The following NDST4 variants were observed in gnomAD, a reference collection of about 807,000 sequenced individuals.
NDST4 encodes the protein N-deacetylase and N-sulfotransferase 4, also known as N-heparan sulfate sulfotransferase 4.
NDST4 carries 63 observed loss-of-function variants against 100.8 expected under a neutral mutation model. That is an observed-to-expected ratio of 0.62 (90% CI 0.51 to 0.77). The LOEUF is 0.77. Among genes scored for constraint, NDST4 ranks in the 30% least tolerant of loss-of-function variants. NDST4 has a pLI of 0.00. For synonymous variants in NDST4, 377 were observed against 361.8 expected (o/e 1.04, Z -0.48); for missense variants, 943 against 1,018.4 (o/e 0.93, Z 1.01).
intron 3 of NDST4, among the ~76,000 whole-genome samples, chr4:114,971,406 A>G (rs1166519132): frequency 6.6e-6 from 1 of 152,124 alleles, no homozygotes; most frequent in African/African-American, 2.4e-5. Context: ...AAGAAAAAAA[A>G]AACTTACTTC....
Position 114,864,710 on chromosome 4 carries a change from C to T in NDST4, c.1719+6058G>A, listed in dbSNP as rs547938082. ...GGAAAGTGTTCCTCGTGTGAGTACA[C>T]TGATCCATAATAAATGCACTCACTA... On this transcript the variant is annotated intron_variant, in intron 7 of 13. Transcript: ENST00000264363. Among the ~76,000 whole-genome samples, 33 of 152,284 alleles carry T rather than the reference C, an allele frequency of 2.2e-4. No homozygotes were observed. The South Asian group carries it at 6.2e-3, about 29-fold the overall frequency.
intron 2 of NDST4, among the ~76,000 whole-genome samples, chr4:115,022,436 T>TATATATATATGTTCC (rs748295914): frequency 1.2e-5 from 1 of 86,168 alleles, no homozygotes; most frequent in Non-Finnish European, 2.8e-5. Context: ...ATGTGTTCCA[T>TATATATATATGTTCC]ATATATGTGT....
chr4:114,887,659 G>C (rs1271434221), intron 6 of NDST4, among the ~76,000 whole-genome samples: 1 of 152,102 alleles, frequency 6.6e-6, no homozygotes, highest in African/African-American at 2.4e-5. Context: ...CTAGCTTAAA[G>C]TAATTTGGCA....
intron 6 of NDST4, among the ~76,000 whole-genome samples, chr4:114,898,988 C>T (rs1055015884): frequency 1.3e-5 from 2 of 151,792 alleles, no homozygotes; most frequent in African/African-American, 4.8e-5. Flanking sequence ...TTTTATTTTT[C>T]CTTCCCAATC....
intron 3 of NDST4, among the ~76,000 whole-genome samples, chr4:114,972,716 G>T (rs1369384554): frequency 6.6e-6 from 1 of 151,918 alleles, no homozygotes; most frequent in Non-Finnish European, 1.5e-5. Context: ...ATTGTCTTGT[G>T]TGCTTTGAAT....
intron 6 of NDST4, among the ~76,000 whole-genome samples, chr4:114,880,844 G>A (rs757027096): frequency 6.6e-6 from 1 of 152,128 alleles, no homozygotes; most frequent in Non-Finnish European, 1.5e-5. Flanking sequence ...ACTTGCAGAT[G>A]TCTTCTTGAA....
chr4:114,958,608 C>T (rs1406497136), intron 4 of NDST4, among the ~76,000 whole-genome samples: 1 of 152,186 alleles, frequency 6.6e-6, no homozygotes, highest in Non-Finnish European at 1.5e-5. Context: ...CCCCAGACTG[C>T]ACAAAGCAGC....
chr4:115,067,000 A>G (rs566096), intron 2 of NDST4, among the ~76,000 whole-genome samples: 36,688 of 152,024 alleles, frequency 0.24, 5,916 homozygotes, highest in East Asian at 0.46. Context: ...GATGACTGCT[A>G]CCCATAGAAC....
rs149263268 is a variant in NDST4 at position 115,072,276 on chromosome 4, T to A, written c.978+3783A>T. Among the ~76,000 whole-genome samples the A allele has an allele frequency of 5.0e-3, 762 of 152,136 alleles. 4 individuals are homozygous for A. Among genetic ancestry groups the A allele is most frequent in the African/African-American group, 0.018 (731 of 41,546 alleles). ...TTAATATTGTTGAATGTCTATGATA[T>A]CCAAAATGATCTGCAGATTCAATAC... On this transcript the variant is annotated intron_variant, in intron 2 of 13. Transcript: ENST00000264363.
chr4:114,980,359 T>C (rs1377171606), intron 2 of NDST4, among the ~76,000 whole-genome samples: 1 of 152,148 alleles, frequency 6.6e-6, no homozygotes, highest in Non-Finnish European at 1.5e-5. Flanking sequence ...TAATAAAATG[T>C]GGCTGGGCAT....
In NDST4 at chr4:115,076,685, G is replaced by T; in HGVS notation, c.352C>A (p.Pro118Thr). 1.2e-6 allele frequency: 2 copies of T among 1,613,880 alleles called. No individual in the cohort carries two copies. The highest frequency in any genetic ancestry group is 1.7e-6 in the Non-Finnish European group (2 of 1,179,894). The part of the protein sequence containing the change: ...MVIAPGKGDI[P>T]PLTDNGKGKY... ...CCTTTGCCATTATCTGTAAGAGGAG[G>T]TATATCTCCCTTTCCAGGGGCAATA... The change falls in exon 2 of 14, where the codon CCT becomes ACT. Residue 118 changes from proline (P) to threonine (T), a missense_variant. Pro to Thr is a conservative substitution (Grantham distance 38, BLOSUM62 -1). Transcript: ENST00000264363.
chr4:115,097,672 A>C (rs974365184), intron 1 of NDST4, among the ~76,000 whole-genome samples: 2 of 152,124 alleles, frequency 1.3e-5, no homozygotes, highest in Admixed American at 1.3e-4. Flanking sequence ...CAATACATTG[A>C]CCAGGGTCCT....
chr4:114,929,095 TCC>T (rs1725450536), intron 6 of NDST4, among the ~76,000 whole-genome samples: 3 of 128,562 alleles, frequency 2.3e-5, no homozygotes, highest in Admixed American at 8.1e-5. Flanking sequence ...CATCCATCCA[TCC>T]ATCCATCCAT....
At chr4:114,866,173 C>G (rs2126194869) in intron 7 of NDST4, among the ~76,000 whole-genome samples, 1 of 152,310 alleles carries the variant, frequency 6.6e-6, no homozygotes, top group Middle Eastern at 3.4e-3. Context: ...ACAGATCACT[C>G]TTTCGTTATT....
At chr4:115,099,380 C>T (rs1360606403) in intron 1 of NDST4, among the ~76,000 whole-genome samples, 1 of 151,422 alleles carries the variant, frequency 6.6e-6, no homozygotes, top group African/African-American at 2.4e-5. Flanking sequence ...AGATGACAGG[C>T]TACAAACTGG....
At chr4:115,037,984 A>C (rs996478653) in intron 2 of NDST4, among the ~76,000 whole-genome samples, 5 of 152,224 alleles carry the variant, frequency 3.3e-5, no homozygotes, top group African/African-American at 1.2e-4. Flanking sequence ...CTATAATTGC[A>C]GCTGAAGGAA....
intron 2 of NDST4, among the ~76,000 whole-genome samples, chr4:115,053,627 A>G (rs1424879612): frequency 1.3e-5 from 2 of 152,164 alleles, no homozygotes; most frequent in Non-Finnish European, 2.9e-5. Flanking sequence ...AGATATGACA[A>G]CTTTCCTAGG....
chr4:114,854,555 G>A (rs564802375), intron 7 of NDST4, among the ~76,000 whole-genome samples: 60 of 151,948 alleles, frequency 3.9e-4, no homozygotes, highest in African/African-American at 1.2e-3. Flanking sequence ...CGCAACCTTC[G>A]CCTCCCAAAT....
At chr4:115,098,325 C>T (rs1014475252) in intron 1 of NDST4, among the ~76,000 whole-genome samples, 2 of 152,064 alleles carry the variant, frequency 1.3e-5, no homozygotes, top group Non-Finnish European at 2.9e-5. Context: ...TGAAATACTT[C>T]GATGTGAAGA....
Sources: allele counts gnomAD v4.1 joint callset (sites outside exome capture counted in the v4.1 genomes callset), GRCh38; gene constraint gnomAD v4.1.1; transcripts MANE v1.5; gene names NCBI Gene and HGNC (gene_info 2026-07-23, HGNC 2026-07-21).